ARMH4: variants seen among roughly 807,000 people sequenced by gnomAD.
ARMH4 encodes armadillo-like helical domain-containing protein 4.
In ARMH4, 49 loss-of-function variants were observed where a neutral mutation model predicts 61.9. The ratio of observed to expected loss-of-function variants is 0.79; its 90% CI spans 0.63 to 1.00. The LOEUF is 1.00. ARMH4 is among the 50% of genes least tolerant of loss of function. ARMH4 has a pLI of 0.00. For synonymous variants in ARMH4, 368 were observed against 341.5 expected (o/e 1.08, Z -0.85); for missense variants, 934 against 930.0 (o/e 1.00, Z -0.06).
At chr14:58,032,674 G>T (rs1237520191) in intron 5 of ARMH4, among the ~76,000 whole-genome samples, 1 of 151,732 alleles carries the variant, frequency 6.6e-6, no homozygotes, top group East Asian at 2.0e-4. Flanking sequence ...CCAGACAGTG[G>T]GCGCAGGCCA....
chr14:58,057,844 C>T (rs1181668843), intron 5 of ARMH4, among the ~76,000 whole-genome samples: 1 of 152,170 alleles, frequency 6.6e-6, no homozygotes, highest in East Asian at 1.9e-4. Flanking sequence ...ACCACCTATG[C>T]AACCACTCTA....
intron 5 of ARMH4, among the ~76,000 whole-genome samples, chr14:58,031,509 C>T (rs1883228568): frequency 6.6e-6 from 1 of 152,132 alleles, no homozygotes; most frequent in Non-Finnish European, 1.5e-5. Flanking sequence ...CAAATGTACA[C>T]TAAGAGAGCC....
chr14:58,033,982 G>C (rs1257710812), intron 5 of ARMH4, among the ~76,000 whole-genome samples: 7 of 95,480 alleles, frequency 7.3e-5, no homozygotes, highest in Admixed American at 7.2e-4. Flanking sequence ...ACACTCTGCA[G>C]GATATTATCC....
intron 1 of ARMH4, among the ~76,000 whole-genome samples, chr14:58,146,015 C>T (rs987954853): frequency 6.6e-6 from 1 of 152,200 alleles, no homozygotes; most frequent in Non-Finnish European, 1.5e-5. Context: ...ACATGATGCT[C>T]AAGAATAAAC....
intron 5 of ARMH4, among the ~76,000 whole-genome samples, chr14:58,028,745 A>G (rs1445437425): frequency 6.6e-6 from 1 of 152,080 alleles, no homozygotes; most frequent in African/African-American, 2.4e-5. Flanking sequence ...ACAACAACAG[A>G]TTTCCTTCCA....
chr14:58,124,380 T>C (rs1053932457), intron 4 of ARMH4, among the ~76,000 whole-genome samples: 6 of 152,150 alleles, frequency 3.9e-5, no homozygotes, highest in Admixed American at 2.0e-4. Flanking sequence ...AGTAAGGAAA[T>C]TGATGTAGTG....
intron 4 of ARMH4, among the ~76,000 whole-genome samples, chr14:58,111,974 A>T (rs535171992): frequency 6.6e-6 from 1 of 152,252 alleles, no homozygotes; most frequent in Non-Finnish European, 1.5e-5. Flanking sequence ...GATTAAAGGC[A>T]TGAGCTACCC....
At chr14:58,091,420 A>T (rs1401020534) in intron 5 of ARMH4, among the ~76,000 whole-genome samples, 1 of 152,204 alleles carries the variant, frequency 6.6e-6, no homozygotes, top group Non-Finnish European at 1.5e-5. Context: ...CTGCATCAAT[A>T]GACCCAGGAG....
At chr14:58,105,689 G>GAAAA (rs1373693311) in intron 4 of ARMH4, among the ~76,000 whole-genome samples, 5 of 90,888 alleles carry the variant, frequency 5.5e-5, no homozygotes, top group African/African-American at 8.1e-5. Flanking sequence ...TCCATCTCAA[G>GAAAA]AAAAAAAAAA....
intron 5 of ARMH4, among the ~76,000 whole-genome samples, chr14:58,045,831 G>A (rs1394984250): frequency 6.6e-6 from 1 of 152,118 alleles, no homozygotes; most frequent in Non-Finnish European, 1.5e-5. Context: ...AAGACTCACA[G>A]AGAAGAATCC....
intron 2 of ARMH4, among the ~76,000 whole-genome samples, chr14:58,134,919 T>C (rs1349355886): frequency 7.5e-6 from 1 of 133,814 alleles, no homozygotes; most frequent in Non-Finnish European, 1.5e-5. Context: ...ATCATGCCAC[T>C]ACACTCCAGC....
chr14:58,119,952 T>A (rs1205746335), intron 4 of ARMH4, among the ~76,000 whole-genome samples: 2 of 151,804 alleles, frequency 1.3e-5, no homozygotes, highest in Non-Finnish European at 2.9e-5. Flanking sequence ...TTTCTACAAT[T>A]ATCAATAAAA....
rs113724719 is a variant in ARMH4, at chr14:58,095,654, C to T, written c.2089+1070G>A. 5.2e-3 allele frequency among the ~76,000 whole-genome samples: 789 copies of T among 152,324 alleles called. 3 individuals are homozygous for T. Among genetic ancestry groups the T allele is most frequent in the South Asian group, 0.018 (87 of 4,826 alleles). ...CTGTCCACTGGAAGCCCATCCCTTA[C>T]TATCTTCTCTCCTTCCTATAGCATA... is the stretch of plus-strand genomic sequence containing the variant. On this transcript the variant is annotated intron_variant, in intron 5 of 7. Coordinates refer to ENST00000267485, the MANE Select transcript of ARMH4 (RefSeq NM_001001872.4).
At chr14:58,147,554 C>T (rs931883436) in intron 1 of ARMH4, among the ~76,000 whole-genome samples, 1 of 152,058 alleles carries the variant, frequency 6.6e-6, no homozygotes, top group East Asian at 1.9e-4. Context: ...ACCTCATGAT[C>T]CGCCCACCTC....
chr14:58,061,607 T>A (rs529986470), intron 5 of ARMH4, among the ~76,000 whole-genome samples: 2 of 152,344 alleles, frequency 1.3e-5, no homozygotes, highest in African/African-American at 4.8e-5. Context: ...TGGGTCCTGA[T>A]AACCACTGAA....
chr14:58,113,371 G>T (rs773098937), intron 4 of ARMH4, among the ~76,000 whole-genome samples: 1 of 152,088 alleles, frequency 6.6e-6, no homozygotes, highest in African/African-American at 2.4e-5. Flanking sequence ...TACTGGTGAT[G>T]ATTAGAATCT....
At chr14:58,119,570 G>A (rs1886652302) in intron 4 of ARMH4, among the ~76,000 whole-genome samples, 1 of 152,206 alleles carries the variant, frequency 6.6e-6, no homozygotes, top group South Asian at 2.1e-4. Context: ...AGCCCTGCTT[G>A]GACCACTGCC....
At position 58,139,240 on chromosome 14, in the gene ARMH4, A is replaced by G; in HGVS notation, c.119T>C (p.Val40Ala). ...KIERRREIAH[V>A]HAEKGQSDKM... ...ATCGGACTGCCCTTTTTCCGCATGAACATGTGCTATCTCCCTCCTCCTTTC... is the reference window on the plus strand; with the variant it reads ...ATCGGACTGCCCTTTTTCCGCATGAGCATGTGCTATCTCCCTCCTCCTTTC... Residue 40 changes from valine to alanine, a missense_variant, in exon 2 of 8, where the codon GTT becomes GCT. Transcript: ENST00000267485. 1 of 1,614,198 alleles carries G rather than the reference A, an allele frequency of 6.2e-7. No homozygotes were observed. Among genetic ancestry groups the G allele is most frequent in the Non-Finnish European group, 8.5e-7 (1 of 1,180,048 alleles).
intron 4 of ARMH4, among the ~76,000 whole-genome samples, chr14:58,111,907 G>A (rs1886366410): frequency 6.6e-6 from 1 of 151,866 alleles, no homozygotes; most frequent in Admixed American, 6.6e-5. Context: ...TGACCAGGCT[G>A]GTCTCAAACT....
Sources: allele counts gnomAD v4.1 joint callset (sites outside exome capture counted in the v4.1 genomes callset), GRCh38; gene constraint gnomAD v4.1.1; transcripts MANE v1.5; gene names NCBI Gene and HGNC (gene_info 2026-07-23, HGNC 2026-07-21).